GRID1: variants seen among roughly 807,000 people sequenced by gnomAD.
GRID1 encodes glutamate ionotropic receptor delta type subunit 1.
Under a neutral mutation model 98.0 loss-of-function variants are expected in GRID1, and 28 were observed. That is an observed-to-expected ratio of 0.29 (90% CI 0.21 to 0.39). GRID1 has a LOEUF of 0.39. GRID1 is among the 10% of genes least tolerant of loss of function. The pLI, the probability that GRID1 is intolerant of heterozygous loss-of-function variation, is 1.00. For synonymous variants in GRID1, 553 were observed against 538.5 expected (o/e 1.03, Z -0.37); for missense variants, 1,111 against 1,340.5 (o/e 0.83, Z 2.67).
chr10:85,935,149 T>C (rs1488162608), intron 4 of GRID1, among the ~76,000 whole-genome samples: 1 of 152,208 alleles, frequency 6.6e-6, no homozygotes, highest in Non-Finnish European at 1.5e-5. Context: ...AGGGGTACTA[T>C]TGTCTCAGTT....
intron 4 of GRID1, among the ~76,000 whole-genome samples, chr10:86,057,368 TC>T (rs1356689455): frequency 6.6e-6 from 1 of 152,178 alleles, no homozygotes; most frequent in Non-Finnish European, 1.5e-5. Context: ...TGTGCCAGGT[TC>T]CCCAGTGTCT....
At position 85,703,597 on chromosome 10, in the gene GRID1, C is replaced by T. The variant is rs1320880374; in HGVS notation, c.1997+19406G>A. On this transcript the variant is annotated intron_variant, in intron 12 of 15. Coordinates refer to ENST00000327946, the MANE Select transcript of GRID1 (RefSeq NM_017551.3). ...GGAGAGATATGAATATATAGTTTCA[C>T]TGTTAATTCTGAAAGAGAAATGGAG... Among the ~76,000 whole-genome samples the T allele has an allele frequency of 2.0e-5, 3 of 152,068 alleles. No homozygotes were observed. The East Asian group carries it at 5.8e-4, about 29-fold the overall frequency.
chr10:86,040,635 G>A (rs138226860), intron 4 of GRID1, among the ~76,000 whole-genome samples: 66 of 152,026 alleles, frequency 4.3e-4, no homozygotes, highest in African/African-American at 1.5e-3. Flanking sequence ...CATTGTTAAC[G>A]TTTGTTATGT....
intron 4 of GRID1, among the ~76,000 whole-genome samples, chr10:85,955,543 T>C (rs1333477739): frequency 6.6e-6 from 1 of 152,142 alleles, no homozygotes; most frequent in Non-Finnish European, 1.5e-5. Context: ...TCAGCCTCAT[T>C]AGGGGTACTA....
At chr10:85,977,226 T>TGTA (rs1842484246) in intron 4 of GRID1, among the ~76,000 whole-genome samples, 1 of 152,204 alleles carries the variant, frequency 6.6e-6, no homozygotes, top group South Asian at 2.1e-4. Flanking sequence ...GTGGCTGGCA[T>TGTA]GTAGTAGATG....
At chr10:85,822,079 A>C (rs894068580) in intron 8 of GRID1, among the ~76,000 whole-genome samples, 2 of 152,214 alleles carry the variant, frequency 1.3e-5, no homozygotes, top group African/African-American at 4.8e-5. Flanking sequence ...AAAACCATAA[A>C]AACCCTAGAA....
intron 8 of GRID1, among the ~76,000 whole-genome samples, chr10:85,769,604 T>G (rs1215320105): frequency 6.6e-6 from 1 of 152,112 alleles, no homozygotes; most frequent in Non-Finnish European, 1.5e-5. Flanking sequence ...ACCTGGGAAA[T>G]CGGGTCACAC....
intron 2 of GRID1, among the ~76,000 whole-genome samples, chr10:86,339,336 G>C (rs1483835152): frequency 6.6e-6 from 1 of 152,222 alleles, no homozygotes; most frequent in East Asian, 1.9e-4. Context: ...GCCAGGCCAG[G>C]GCACCTCAAA....
intron 4 of GRID1, among the ~76,000 whole-genome samples, chr10:86,112,514 C>G (rs1169429004): frequency 6.7e-6 from 1 of 149,660 alleles, no homozygotes; most frequent in East Asian, 2.0e-4. Flanking sequence ...AATGTGCTAA[C>G]AGAGAGGATC....
intron 4 of GRID1, among the ~76,000 whole-genome samples, chr10:86,101,385 G>A (rs560220400): frequency 1.1e-4 from 17 of 152,192 alleles, no homozygotes; most frequent in African/African-American, 2.4e-4. Context: ...ATCAAGATAC[G>A]GAACAGCTCC....
At chr10:85,636,744 A>G (rs1843048072) in intron 13 of GRID1, among the ~76,000 whole-genome samples, 2 of 152,228 alleles carry the variant, frequency 1.3e-5, no homozygotes, top group African/African-American at 4.8e-5. Context: ...ATGAAAAAAA[A>G]TCCACTGACA....
At chr10:85,781,726 G>A (rs1842382857) in intron 8 of GRID1, among the ~76,000 whole-genome samples, 1 of 151,630 alleles carries the variant, frequency 6.6e-6, no homozygotes, top group Non-Finnish European at 1.5e-5. Flanking sequence ...TTACACAGAG[G>A]ACAGTGTTAT....
At chr10:86,031,950 C>G (rs1311566863) in intron 4 of GRID1, among the ~76,000 whole-genome samples, 3 of 152,212 alleles carry the variant, frequency 2.0e-5, no homozygotes, top group Non-Finnish European at 2.9e-5. Context: ...TCACCACCTT[C>G]AGGCCTCTCA....
intron 8 of GRID1, among the ~76,000 whole-genome samples, chr10:85,851,839 C>T (rs1232107558): frequency 6.6e-6 from 1 of 152,104 alleles, no homozygotes; most frequent in African/African-American, 2.4e-5. Context: ...GATCTTGGCA[C>T]TGTTTTGGTG....
At chr10:86,023,150 T>A (rs1371558906) in intron 4 of GRID1, among the ~76,000 whole-genome samples, 1 of 152,052 alleles carries the variant, frequency 6.6e-6, no homozygotes, top group South Asian at 2.1e-4. Flanking sequence ...GGTTCCCAGC[T>A]TGGAGAAATA....
Position 85,618,274 on chromosome 10 carries a change from A to G in GRID1, c.2360+1593T>C, listed in dbSNP as rs557710999. Among the ~76,000 whole-genome samples the G allele has an allele frequency of 5.9e-5, 9 of 152,174 alleles. No individual in the cohort carries two copies. In the South Asian group the frequency reaches 1.7e-3, roughly 28 times the overall value. The stretch of plus-strand genomic sequence containing the variant: ...GCTTCCATGAGCGCTGCCTTGGGGT[A>G]CATGAGCAGTCTTGGTGCTGCTGCT... On this transcript the variant is annotated intron_variant, in intron 14 of 15. Coordinates refer to ENST00000327946, the MANE Select transcript of GRID1 (RefSeq NM_017551.3).
chr10:86,021,921 C>A (rs909646768), intron 4 of GRID1, among the ~76,000 whole-genome samples: 1 of 152,152 alleles, frequency 6.6e-6, no homozygotes, highest in Non-Finnish European at 1.5e-5. Flanking sequence ...CAGCCTGGGT[C>A]CCGGGCTGTC....
intron 4 of GRID1, among the ~76,000 whole-genome samples, chr10:86,072,621 A>G (rs1412714780): frequency 6.6e-6 from 1 of 152,228 alleles, no homozygotes; most frequent in East Asian, 1.9e-4. Context: ...GGAGAAAATA[A>G]TTACCCTCAA....
intron 2 of GRID1, among the ~76,000 whole-genome samples, chr10:86,344,425 C>T (rs568581493): frequency 2.0e-5 from 3 of 152,196 alleles, no homozygotes; most frequent in Admixed American, 6.5e-5. Flanking sequence ...TCAGAGACTT[C>T]GCCCTATCCC....
Sources: allele counts gnomAD v4.1 joint callset (sites outside exome capture counted in the v4.1 genomes callset), GRCh38; gene constraint gnomAD v4.1.1; transcripts MANE v1.5; gene names NCBI Gene and HGNC (gene_info 2026-07-23, HGNC 2026-07-21).